The following RNF121 variants were observed in gnomAD, a reference collection of about 807,000 sequenced individuals.
RNF121 encodes the protein ring finger protein 121.
Under a neutral mutation model 46.5 loss-of-function variants are expected in RNF121, and 21 were observed. The ratio of observed to expected loss-of-function variants is 0.45; its 90% CI spans 0.32 to 0.65. The LOEUF (loss-of-function observed/expected upper bound fraction) is 0.65. Ranked by LOEUF, RNF121 falls within the 30% of genes least tolerant of loss-of-function variation. The pLI is 0.04. For synonymous variants in RNF121, 139 were observed against 144.7 expected, an observed-to-expected ratio of 0.96 and a Z score of 0.28; for missense variants, 346 against 416.0, an observed-to-expected ratio of 0.83 and a Z score of 1.46.
chr11:71,957,381 G>A, intron 2 of RNF121, 117 bp downstream of exon 2: 1 of 756,772 alleles, frequency 1.3e-6, no homozygotes, highest in South Asian at 1.4e-5. Context: ...CTCATGACCG[G>A]TAGGACTGGT....
At chr11:71,982,335 C>CAAAA (rs10635678) in intron 3 of RNF121, among the ~76,000 whole-genome samples, 3,059 of 79,078 alleles carry the variant, frequency 0.039, 327 homozygotes, top group African/African-American at 0.13. Flanking sequence ...GACTCCATCT[C>CAAAA]AAAAAAAAAA....
chr11:71,988,005 C>CT (rs544448409), intron 5 of RNF121, among the ~76,000 whole-genome samples: 69 of 152,210 alleles, frequency 4.5e-4, no homozygotes, highest in Non-Finnish European at 7.9e-4. Flanking sequence ...TGTAATATAG[C>CT]TGACATTCGA....
intron 1 of RNF121, among the ~76,000 whole-genome samples, chr11:71,932,096 A>G (rs1034654055): frequency 2.0e-5 from 3 of 152,196 alleles, no homozygotes; most frequent in Admixed American, 6.5e-5. Context: ...TACTTTCTCT[A>G]GAAGTTGAGA....
chr11:71,952,449 T>G (rs1428730445), intron 1 of RNF121, among the ~76,000 whole-genome samples: 2 of 152,238 alleles, frequency 1.3e-5, no homozygotes, highest in African/African-American at 4.8e-5. Context: ...ACTTAATTTT[T>G]TAAAATTTTA....
At position 71,997,323 on chromosome 11, in the gene RNF121, C is replaced by T. The variant is rs1354943672; in HGVS notation, c.*1008C>T. ...GGGGATTCCCAGTCCAGGGAATATC[C>T]CTACATGATTTTTGTCATTCATGGG... On this transcript the variant is annotated 3_prime_UTR_variant, in exon 9 of 9. Transcript: ENST00000361756. The T allele has an allele frequency of 6.6e-6, 1 of 152,116 alleles. No homozygotes were observed. Among genetic ancestry groups the T allele is most frequent in the Non-Finnish European group, 1.5e-5 (1 of 68,026 alleles). 9.4% of individuals were successfully genotyped at this position (152,116 alleles called of 1,614,324 possible).
chr11:71,941,660 A>C (rs911034788), intron 1 of RNF121, among the ~76,000 whole-genome samples: 1 of 152,234 alleles, frequency 6.6e-6, no homozygotes, highest in African/African-American at 2.4e-5. Context: ...GCCTCTGAGG[A>C]AATGCTACTT....
In RNF121 at chr11:71,982,918, G is replaced by A. The variant is rs763868892; in HGVS notation, c.398+3G>A. ...CCTCTAGTACAGACAACCCCAAGGT[G>A]AGAGTTTAAGTAGTGGGAAGAGCCC... On this transcript the variant is annotated splice_donor_region_variant and intron_variant, in intron 4 of 8. Transcript: ENST00000361756. 7 of 1,603,544 alleles carry A rather than the reference G, an allele frequency of 4.4e-6. No individual in the cohort carries two copies. Among genetic ancestry groups the A allele is most frequent in the Non-Finnish European group, 4.3e-6 (5 of 1,175,594 alleles).
intron 1 of RNF121, among the ~76,000 whole-genome samples, chr11:71,951,965 T>G (rs1009136213): frequency 8.5e-5 from 13 of 152,176 alleles, no homozygotes; most frequent in Admixed American, 7.9e-4. Context: ...CAATTCTGCT[T>G]CTAGGTATAC....
chr11:71,946,705 T>C (rs1953730500), intron 1 of RNF121, among the ~76,000 whole-genome samples: 1 of 151,424 alleles, frequency 6.6e-6, no homozygotes, highest in African/African-American at 2.4e-5. Context: ...TTGCATCTTA[T>C]TTTATTTATT....
intron 3 of RNF121, among the ~76,000 whole-genome samples, chr11:71,980,727 C>G (rs1954633208): frequency 6.6e-6 from 1 of 152,188 alleles, no homozygotes; most frequent in African/African-American, 2.4e-5. Context: ...CTGCTCTAAG[C>G]TGCACTACCT....
intron 3 of RNF121, among the ~76,000 whole-genome samples, chr11:71,965,986 C>G (rs7128974): frequency 0.89 from 135,250 of 152,268 alleles, 60,326 homozygotes; most frequent in Non-Finnish European, 0.94. Flanking sequence ...TGGCTTCTTT[C>G]AATTATTTGT....
At chr11:71,933,963 G>A (rs1953338154) in intron 1 of RNF121, among the ~76,000 whole-genome samples, 1 of 152,180 alleles carries the variant, frequency 6.6e-6, no homozygotes, top group East Asian at 1.9e-4. Flanking sequence ...GGATGAAATC[G>A]TCTCTAGCTC....
chr11:71,994,924 G>A, intron 7 of RNF121, 72 bp downstream of exon 7: 1 of 1,599,902 alleles, frequency 6.3e-7, no homozygotes, highest in Non-Finnish European at 8.5e-7. Context: ...GAGAAAGAGG[G>A]TGGTCATGAC....
intron 2 of RNF121, among the ~76,000 whole-genome samples, chr11:71,959,841 G>T (rs1052472213): frequency 1.3e-5 from 2 of 152,066 alleles, no homozygotes. Flanking sequence ...TCGCCATGTT[G>T]GCCAGGCTCA....
At chr11:71,964,373 T>G (rs1270662263) in intron 3 of RNF121, among the ~76,000 whole-genome samples, 1 of 152,246 alleles carries the variant, frequency 6.6e-6, no homozygotes, top group Non-Finnish European at 1.5e-5. Context: ...TTGCTGAATT[T>G]ATTAGCTCTA....
chr11:71,963,916 G>A (rs1046385730), intron 3 of RNF121, among the ~76,000 whole-genome samples: 4 of 152,188 alleles, frequency 2.6e-5, no homozygotes, highest in African/African-American at 9.6e-5. Flanking sequence ...GATTACTGTA[G>A]CACTGTAGTA....
chr11:71,936,088 C>T (rs1286278097), intron 1 of RNF121, among the ~76,000 whole-genome samples: 2 of 151,942 alleles, frequency 1.3e-5, no homozygotes, highest in African/African-American at 4.8e-5. Context: ...ACTTTGTGAT[C>T]TGCCCACCTT....
At chr11:71,959,672 G>C (rs1954081608) in intron 2 of RNF121, among the ~76,000 whole-genome samples, 1 of 118,736 alleles carries the variant, frequency 8.4e-6, no homozygotes, top group South Asian at 2.6e-4. Context: ...ATCTCATTCT[G>C]TCGCCCAGGA....
intron 1 of RNF121, among the ~76,000 whole-genome samples, chr11:71,942,787 T>TAGATAGATATATATATATATAG (rs58101667): frequency 2.8e-5 from 4 of 144,948 alleles, no homozygotes; most frequent in Non-Finnish European, 4.5e-5. Context: ...TATATATATA[T>TAGATAGATATATATATATATAG]ATAGATATAT....
Sources: allele counts gnomAD v4.1 joint callset (sites outside exome capture counted in the v4.1 genomes callset), GRCh38; gene constraint gnomAD v4.1.1; transcripts MANE v1.5; gene names NCBI Gene and HGNC (gene_info 2026-07-23, HGNC 2026-07-21).